Variants in BRD1 observed in about 807,000 individuals in gnomAD.
The protein encoded by BRD1 is bromodomain-containing protein 1.
A neutral mutation model predicts 107.7 loss-of-function variants in BRD1; 24 were observed. The ratio of observed to expected loss-of-function variants is 0.22; its 90% confidence interval spans 0.16 to 0.31. The LOEUF (loss-of-function observed/expected upper bound fraction) is 0.31. Ranked by LOEUF, BRD1 falls within the 10% of genes least tolerant of loss-of-function variation. BRD1 has a pLI of 1.00. For missense variants in BRD1, 1,279 were observed against 1,638.6 expected (o/e 0.78, Z 3.79); for synonymous variants, 744 against 686.1 (o/e 1.08, Z -1.32).
chr22:49,796,695 A>G (rs1167451022), intron 6 of BRD1, among the ~76,000 whole-genome samples: 3 of 152,208 alleles, frequency 2.0e-5, no homozygotes, highest in African/African-American at 7.2e-5. Context: ...CCCATCCTCC[A>G]ATCCTCACAG....
At chr22:49,779,421 G>A (rs1475588569) in intron 8 of BRD1, among the ~76,000 whole-genome samples, 2 of 152,194 alleles carry the variant, frequency 1.3e-5, no homozygotes, top group African/African-American at 4.8e-5. Flanking sequence ...GATTGGGCGG[G>A]TGCACTGCTG....
chr22:49,798,942 C>G, intron 4 of BRD1, 46 bp downstream of exon 4: 4 of 1,556,708 alleles, frequency 2.6e-6, no homozygotes, highest in Non-Finnish European at 3.5e-6. Context: ...CCCACCCACG[C>G]CCCGTGGCCA....
At chr22:49,791,025 A>C (rs533277244) in intron 7 of BRD1, among the ~76,000 whole-genome samples, 1 of 152,206 alleles carries the variant, frequency 6.6e-6, no homozygotes, top group Non-Finnish European at 1.5e-5. Flanking sequence ...GCTCCTCCTG[A>C]CTGCACTGAC....
intron 1 of BRD1, among the ~76,000 whole-genome samples, chr22:49,826,616 G>A (rs896232587): frequency 1.3e-5 from 2 of 152,230 alleles, no homozygotes; most frequent in Admixed American, 6.5e-5. Context: ...GCCACGCGCC[G>A]GGCCTCTCGG....
intron 8 of BRD1, among the ~76,000 whole-genome samples, chr22:49,780,441 C>A (rs1436367671): frequency 6.6e-6 from 1 of 152,202 alleles, no homozygotes; most frequent in Non-Finnish European, 1.5e-5. Flanking sequence ...ACAAACCCAG[C>A]CCAACCGAGA....
At chr22:49,775,824 CGCCTCCCCA>C (rs1243092197) in intron 11 of BRD1, 79 bp from the exon 12 acceptor site, 385 of 1,282,342 alleles carry the variant, frequency 3.0e-4, no homozygotes, top group Non-Finnish European at 3.6e-4. Context: ...CACCCCCCCC[CGCCTCCCCA>C]CCCCAGCTGT....
At position 49,775,489 on chromosome 22, in the gene BRD1, A is replaced by G. The variant is rs2059063883; in HGVS notation, c.3386+102T>C. Reference sequence around the variant, plus strand: ...TCCGACTTTAGCTGTGCCAGGGCCCAGCAGACAAAGACGCTGCTCACCACA... The same window carrying G: ...TCCGACTTTAGCTGTGCCAGGGCCCGGCAGACAAAGACGCTGCTCACCACA... On this transcript the variant is annotated intron_variant, in intron 12 of 12. Transcript: ENST00000404760. 5 of 1,151,926 alleles carry G rather than the reference A, an allele frequency of 4.3e-6. 1 individual carries two copies. In the Admixed American group the frequency reaches 9.2e-5, roughly 21 times the overall value. The allele number at this position is 1,151,926 out of a possible 1,614,324, so 71.4% of individuals were successfully genotyped here. A position where few individuals can be genotyped will look rare whatever the true frequency, so the allele number is the denominator to read the frequency against.
chr22:49,775,840 C>CCCCCCCCTGG, intron 11 of BRD1, 95 bp from the exon 12 acceptor site: 1 of 1,223,912 alleles, frequency 8.2e-7, no homozygotes, highest in South Asian at 2.0e-5. Flanking sequence ...CCCACCCCAG[C>CCCCCCCCTGG]TGTGTGAGCC....
intron 2 of BRD1, among the ~76,000 whole-genome samples, chr22:49,813,843 A>T (rs1042577586): frequency 5.3e-5 from 8 of 150,998 alleles, no homozygotes; most frequent in Non-Finnish European, 7.4e-5. Flanking sequence ...AAAAAAAAAA[A>T]TTTGTAAAGA....
chr22:49,778,031 G>A (rs899283554), intron 8 of BRD1, among the ~76,000 whole-genome samples: 2 of 152,206 alleles, frequency 1.3e-5, no homozygotes, highest in Non-Finnish European at 1.5e-5. Context: ...AACTGCAGTC[G>A]GCTCCGATCG....
intron 3 of BRD1, among the ~76,000 whole-genome samples, chr22:49,801,607 G>A (rs1405889996): frequency 6.6e-6 from 1 of 152,250 alleles, no homozygotes; most frequent in Non-Finnish European, 1.5e-5. Context: ...TGCGGCTCAA[G>A]TCCAGGCAGC....
In BRD1 at chr22:49,784,942, T is replaced by C. The variant is rs62232000; in HGVS notation, c.2857+2448A>G. Among the ~76,000 whole-genome samples, 890 of 152,190 alleles carry C rather than the reference T, an allele frequency of 5.8e-3. 2 individuals carry two copies. The highest frequency in any genetic ancestry group is 1.0e-2 in the Non-Finnish European group (677 of 68,006). On this transcript the variant is annotated intron_variant, in intron 8 of 12. Coordinates refer to ENST00000404760, the MANE Select transcript of BRD1 (RefSeq NM_001304808.3). ...GGAACTCACCGCACCTCCACGGAAA[T>C]CCACTGTCACTCGGAAATGAGAGAG...
chr22:49,827,734 G>A lies in BRD1; in HGVS notation c.-252C>T, dbSNP rs2060161661. Among the ~76,000 whole-genome samples the A allele has an allele frequency of 6.9e-6, 1 of 144,370 alleles. No individual in the cohort carries two copies. Among genetic ancestry groups the A allele is most frequent in the East Asian group, 2.0e-4 (1 of 4,900 alleles). The allele number at this position is 144,370 out of a possible 152,430, so 94.7% of individuals were successfully genotyped here. A position where few individuals can be genotyped will look rare whatever the true frequency, so the allele number is the denominator to read the frequency against. ...CGGGCTCGGGCTCGGGGCCCAGCTG[G>A]AGGCCCGGCTCGGGGGGCCCGGCCG... On this transcript the variant is annotated 5_prime_UTR_variant, in exon 1 of 13. Coordinates refer to ENST00000404760, the MANE Select transcript of BRD1 (RefSeq NM_001304808.3).
At chr22:49,820,284 G>A (rs182837002) in intron 2 of BRD1, among the ~76,000 whole-genome samples, 2 of 152,172 alleles carry the variant, frequency 1.3e-5, no homozygotes, top group Non-Finnish European at 2.9e-5. Flanking sequence ...TCTCTAAAAC[G>A]CTGCTCAGAT....
chr22:49,793,937 A>T, intron 7 of BRD1, 97 bp downstream of exon 7: 4 of 1,497,946 alleles, frequency 2.7e-6, no homozygotes, highest in Non-Finnish European at 3.6e-6. Context: ...CTCCGTGCAC[A>T]CCAACGCTGC....
rs954643770 is a variant in BRD1, at chr22:49,782,855, C to T, written c.2857+4535G>A. Among the ~76,000 whole-genome samples the T allele has an allele frequency of 8.7e-5, 13 of 149,942 alleles. 1 individual carries two copies. Among genetic ancestry groups the T allele is most frequent in the South Asian group, 4.2e-4 (2 of 4,740 alleles). On this transcript the variant is annotated intron_variant, in intron 8 of 12. Coordinates refer to ENST00000404760, the MANE Select transcript of BRD1 (RefSeq NM_001304808.3). ...ACCCAAGGCCCATCGTGCTGGGACC[C>T]GCTCCGCGACAATGCAGCTGGGATG... is the stretch of plus-strand genomic sequence containing the variant.
rs2059681452 is a variant in BRD1, at chr22:49,803,565, T to C, written c.1524+639A>G. Among the ~76,000 whole-genome samples, 1 of 152,342 alleles carries C rather than the reference T, an allele frequency of 6.6e-6. No individual in the cohort carries two copies. The highest frequency in any genetic ancestry group is 2.1e-4 in the South Asian group (1 of 4,828). On this transcript the variant is annotated intron_variant, in intron 3 of 12. Coordinates refer to ENST00000404760, the MANE Select transcript of BRD1 (RefSeq NM_001304808.3). The surrounding 1 kb of genome is among the most constrained non-coding windows in gnomAD (Gnocchi z 4.4). ...CTCTGTAAACCCATTTTTTCAGAAC[T>C]GTTTCACAGTATCAGATGAGTCTAT... is the stretch of plus-strand genomic sequence containing the variant.
At chr22:49,815,994 C>T (rs1056591116) in intron 2 of BRD1, among the ~76,000 whole-genome samples, 11 of 151,990 alleles carry the variant, frequency 7.2e-5, no homozygotes, top group South Asian at 2.1e-4. Flanking sequence ...CCACACTGCC[C>T]GGGAGGCACC....
rs1355290557 is a variant in BRD1 at position 49,773,345 on chromosome 22, C to T, written c.*888G>A. The T allele has an allele frequency of 6.6e-6, 1 of 152,200 alleles. No homozygotes were observed. Among genetic ancestry groups the T allele is most frequent in the Non-Finnish European group, 1.5e-5 (1 of 68,022 alleles). The allele number at this position is 152,200 out of a possible 1,614,324, so 9.4% of individuals were successfully genotyped here. ...AATTTGGAAACCCACCCTACTTTCC[C>T]CAACATAATGCTTTACCTCTTAAAA... On this transcript the variant is annotated 3_prime_UTR_variant, in exon 13 of 13. Transcript: ENST00000404760.
Sources: allele counts gnomAD v4.1 joint callset (sites outside exome capture counted in the v4.1 genomes callset), GRCh38; gene constraint gnomAD v4.1.1; non-coding constraint Gnocchi (gnomAD v3.1); transcripts MANE v1.5; gene names NCBI Gene and HGNC (gene_info 2026-07-23, HGNC 2026-07-21).